SCN2A: variants seen among roughly 807,000 people sequenced by gnomAD.
The protein encoded by SCN2A is sodium voltage-gated channel alpha subunit 2.
Under a neutral mutation model 188.7 loss-of-function variants are expected in SCN2A, and 20 were observed. That is an observed-to-expected ratio of 0.11 (90% CI 0.07 to 0.15). The LOEUF (loss-of-function observed/expected upper bound fraction) is 0.15. SCN2A is among the 10% of genes least tolerant of loss of function. The probability of loss-of-function intolerance (pLI) is 1.00; values close to 1 mark genes in which losing one functional copy is unlikely to be tolerated. For synonymous variants in SCN2A, 804 were observed against 833.1 expected, an observed-to-expected ratio of 0.97 and a Z score of 0.60; for missense variants, 1,278 against 2,445.0, an observed-to-expected ratio of 0.52 and a Z score of 10.07.
chr2:165,352,626 G>A (rs1699983455), intron 16 of SCN2A, among the ~76,000 whole-genome samples: 1 of 152,086 alleles, frequency 6.6e-6, no homozygotes, highest in Admixed American at 6.6e-5. Flanking sequence ...ACTACAAGAG[G>A]AAAATTCACA....
intron 1 of SCN2A, among the ~76,000 whole-genome samples, chr2:165,248,482 C>T (rs1424228728): frequency 6.6e-6 from 1 of 152,140 alleles, no homozygotes; most frequent in Non-Finnish European, 1.5e-5. Flanking sequence ...AAAATCTGAG[C>T]TCAAATGTCG....
At chr2:165,346,278 C>G (rs776178442) in intron 16 of SCN2A, among the ~76,000 whole-genome samples, 1 of 152,146 alleles carries the variant, frequency 6.6e-6, no homozygotes, top group Non-Finnish European at 1.5e-5. Flanking sequence ...TGGGGAAGTT[C>G]TCCTGGTTAT....
At chr2:165,375,962 A>G (rs1701291864) in intron 22 of SCN2A, among the ~76,000 whole-genome samples, 1 of 151,970 alleles carries the variant, frequency 6.6e-6, no homozygotes, top group South Asian at 2.1e-4. Context: ...AGAAAGACAA[A>G]TGACACATGA....
chr2:165,271,790 A>G (rs1349050946), intron 1 of SCN2A: 1 of 151,590 alleles, frequency 6.6e-6, no homozygotes, highest in Non-Finnish European at 1.5e-5. Flanking sequence ...CAGTTCAAAA[A>G]CTTCACATAA....
chr2:165,344,947 A>C (rs775813800), intron 16 of SCN2A, 36 bp downstream of exon 16: 18 of 1,612,116 alleles, frequency 1.1e-5, no homozygotes, highest in Non-Finnish European at 1.5e-5. Context: ...TTTTCATTAA[A>C]AGATAATGTA....
At position 165,256,167 on chromosome 2, in the gene SCN2A, G is replaced by T. The variant is rs560322794; in HGVS notation, c.-52+16527G>T. Among the ~76,000 whole-genome samples the T allele has an allele frequency of 2.6e-5, 4 of 151,762 alleles. No homozygotes were observed. In the South Asian group the frequency reaches 8.3e-4, roughly 32 times the overall value. On this transcript the variant is annotated intron_variant, in intron 1 of 26. Transcript: ENST00000375437. The stretch of plus-strand genomic sequence containing the variant: ...ACTACAGGCACCTGCCCCCACGGCC[G>T]ACTAATTATGTATTTTTAGTAGAGA...
At chr2:165,303,302 T>G (rs1313905795) in intron 3 of SCN2A, among the ~76,000 whole-genome samples, 3 of 128,570 alleles carry the variant, frequency 2.3e-5, no homozygotes, top group East Asian at 2.4e-4. Context: ...TTGAGACGGG[T>G]TCTCGCTCTG....
chr2:165,353,762 T>A (rs183577693), intron 16 of SCN2A, among the ~76,000 whole-genome samples: 5 of 152,236 alleles, frequency 3.3e-5, no homozygotes, highest in African/African-American at 1.2e-4. Flanking sequence ...CACCAAGGCA[T>A]GAGGGATCTG....
chr2:165,296,924 G>A, intron 2 of SCN2A, 93 bp from the exon 3 acceptor site: 1 of 720,880 alleles, frequency 1.4e-6, no homozygotes, highest in Non-Finnish European at 2.5e-6. Context: ...ATTTTACAGG[G>A]CAATATTTAT....
At chr2:165,380,971 T>G in intron 24 of SCN2A, 122 bp from the exon 25 acceptor site, 1 of 745,352 alleles carries the variant, frequency 1.3e-6, no homozygotes, top group South Asian at 1.7e-5. Context: ...GGCATCTCTA[T>G]AAATACAGAT....
chr2:165,352,347 T>C (rs957962482), intron 16 of SCN2A, among the ~76,000 whole-genome samples: 2 of 152,120 alleles, frequency 1.3e-5, no homozygotes, highest in Non-Finnish European at 2.9e-5. Context: ...AAATCAAACG[T>C]GGTCTTCATT....
intron 1 of SCN2A, among the ~76,000 whole-genome samples, chr2:165,254,281 T>C (rs557059134): frequency 2.6e-5 from 4 of 151,788 alleles, no homozygotes; most frequent in Non-Finnish European, 4.4e-5. Context: ...TGCACCATTT[T>C]TTCATTACTA....
At chr2:165,355,633 G>T (rs986095773) in intron 17 of SCN2A, among the ~76,000 whole-genome samples, 1 of 152,112 alleles carries the variant, frequency 6.6e-6, no homozygotes, top group Non-Finnish European at 1.5e-5. Context: ...TATTCCTGAT[G>T]TCGGGAAAGA....
At chr2:165,339,915 TA>T (rs1357329885) in intron 14 of SCN2A, among the ~76,000 whole-genome samples, 8 of 152,216 alleles carry the variant, frequency 5.3e-5, no homozygotes, top group African/African-American at 1.9e-4. Context: ...AAAGCTGTAC[TA>T]ATCAAGAATC....
chr2:165,318,735 A>C (rs371238736), intron 11 of SCN2A, among the ~76,000 whole-genome samples: 143 of 152,330 alleles, frequency 9.4e-4, no homozygotes, highest in African/African-American at 3.3e-3. Context: ...AAAGCGATAG[A>C]AACATTCTTC....
At chr2:165,335,963 T>C (rs1574621559) in intron 14 of SCN2A, among the ~76,000 whole-genome samples, 1 of 151,620 alleles carries the variant, frequency 6.6e-6, no homozygotes, top group East Asian at 1.9e-4. Context: ...GAAAAAGGAG[T>C]TAGACAAAAG....
chr2:165,288,435 T>C (rs1695952222), intron 1 of SCN2A, among the ~76,000 whole-genome samples: 1 of 151,822 alleles, frequency 6.6e-6, no homozygotes. Flanking sequence ...TAAATAATTT[T>C]TTTTTATTTC....
Position 165,296,086 on chromosome 2 carries a change from A to C in SCN2A, c.263A>C (p.Lys88Thr), listed in dbSNP as rs1429332752. Residue 88 changes from lysine (K) to threonine (T), a missense_variant, in exon 2 of 27, where the codon AAG (lysine) becomes ACG (threonine). Transcript: ENST00000375437. ...LEDLDPYYINKKTFIVLNKGK... is the reference protein window; with the variant it reads ...LEDLDPYYINTKTFIVLNKGK... ...GATCTGGACCCCTACTATATCAATA[A>C]GAAAGTGAGTTCTTAGTCAAGTTGC... The C allele has an allele frequency of 6.2e-7, 1 of 1,613,106 alleles. No individual in the cohort carries two copies.
chr2:165,345,908 T>G (rs1699560755), intron 16 of SCN2A, among the ~76,000 whole-genome samples: 1 of 152,226 alleles, frequency 6.6e-6, no homozygotes, highest in Non-Finnish European at 1.5e-5. Context: ...GGCCTGGTGG[T>G]GGCAAAATCT....
Sources: allele counts gnomAD v4.1 joint callset (sites outside exome capture counted in the v4.1 genomes callset), GRCh38; gene constraint gnomAD v4.1.1; transcripts MANE v1.5; gene names NCBI Gene and HGNC (gene_info 2026-07-23, HGNC 2026-07-21).